TECR: variants seen among roughly 807,000 people sequenced by gnomAD.
TECR encodes the protein trans-2,3-enoyl-CoA reductase, also known as very-long-chain enoyl-CoA reductase.
Under a neutral mutation model 50.6 loss-of-function variants are expected in TECR, and 19 were observed. The observed-to-expected ratio is 0.38, with a 90% CI of 0.26 to 0.55. The LOEUF is 0.55. TECR is among the 20% of genes least tolerant of loss of function. The pLI is 0.79. For missense variants in TECR, 313 were observed against 408.3 expected (o/e 0.77, Z 2.01); for synonymous variants, 168 against 163.5 (o/e 1.03, Z -0.21).
intron 1 of TECR, among the ~76,000 whole-genome samples, chr19:14,546,608 T>A (rs1035190264): frequency 7.2e-5 from 11 of 152,214 alleles, no homozygotes; most frequent in Admixed American, 3.3e-4. Flanking sequence ...CCTGGCTGCA[T>A]GCACTACCGT....
At chr19:14,562,650 G>A in intron 2 of TECR, 75 bp downstream of exon 2, 2 of 1,548,310 alleles carry the variant, frequency 1.3e-6, no homozygotes, top group Non-Finnish European at 1.8e-6. Context: ...CCCAGGAGCT[G>A]TCCAGTGGGG....
In TECR at chr19:14,563,960, T is replaced by A. The variant is rs773172932; in HGVS notation, c.268-22T>A. The A allele has an allele frequency of 2.5e-5, 40 of 1,613,868 alleles. No individual in the cohort carries two copies. The highest frequency in any genetic ancestry group is 3.4e-5 in the Non-Finnish European group (40 of 1,179,876). On this transcript the variant is annotated intron_variant, in intron 5 of 12. Coordinates refer to ENST00000215567, the MANE Select transcript of TECR (RefSeq NM_138501.6). The surrounding 1 kb of genome is among the most constrained non-coding windows in gnomAD (Gnocchi z 5.3). ...CCCGTCAGCCACGTTGGGTGACTCA[T>A]CTTGCCCCCCTCTACTCTCAGGTCT... is the stretch of plus-strand genomic sequence containing the variant.
At chr19:14,539,535 C>CT (rs2073024894) in intron 1 of TECR, among the ~76,000 whole-genome samples, 1 of 152,096 alleles carries the variant, frequency 6.6e-6, no homozygotes, top group Admixed American at 6.6e-5. Context: ...GGCAGAAGGC[C>CT]TTTTTGCCTG....
At position 14,565,212 on chromosome 19, in the gene TECR, G is replaced by C. The variant is rs1419102820; in HGVS notation, c.675G>C (p.Thr225=). 4.3e-6 allele frequency: 7 copies of C among 1,613,978 alleles called. No individual in the cohort carries two copies. The highest frequency in any genetic ancestry group is 5.9e-6 in the Non-Finnish European group (7 of 1,180,006). Residue 225 remains threonine (T), a synonymous_variant, in exon 11 of 13, where the codon ACG becomes ACC. Transcript: ENST00000215567. The stretch of plus-strand genomic sequence containing the variant: ...TGTCCTGCCTGCCAGGGTCCAAGAC[G>C]CGGAAGATCCCATACCCCACCAAGA... ...LRDLRPAGSK[T]RKIPYPTKNP... is the part of the protein sequence containing the mutation.
intron 1 of TECR, among the ~76,000 whole-genome samples, chr19:14,546,271 A>AT (rs35585506): frequency 0.3 from 44,947 of 148,874 alleles, 7,101 homozygotes; most frequent in Non-Finnish European, 0.37. Flanking sequence ...TAGATTTGGG[A>AT]TTTTTTTTTT....
intron 1 of TECR, among the ~76,000 whole-genome samples, chr19:14,533,374 C>T (rs373058410): frequency 4.0e-5 from 6 of 151,774 alleles, no homozygotes; most frequent in South Asian, 2.1e-4. Flanking sequence ...GAGCTGAGAT[C>T]GCACCACTGC....
At chr19:14,536,923 C>G (rs4926126) in intron 1 of TECR, among the ~76,000 whole-genome samples, 31,006 of 145,836 alleles carry the variant, frequency 0.21, 3,581 homozygotes, top group South Asian at 0.4. Context: ...CGGCCCTACT[C>G]ACCTCTGGAC....
Position 14,563,644 on chromosome 19 carries a change from T to C in TECR, c.119-14T>C. 6.2e-7 allele frequency: 1 copy of C among 1,611,256 alleles called. No homozygotes were observed. The highest frequency in any genetic ancestry group is 8.5e-7 in the Non-Finnish European group (1 of 1,179,836). ...GCCAGGCTGTGGGCTGTAACTGCCC[T>C]GTTCTCCCCGCAGATCCGCAGTGGT... is the stretch of plus-strand genomic sequence containing the variant. On this transcript the variant is annotated splice_polypyrimidine_tract_variant and intron_variant, in intron 3 of 12. Coordinates refer to ENST00000215567, the MANE Select transcript of TECR (RefSeq NM_138501.6). The surrounding 1 kb of genome is among the most constrained non-coding windows in gnomAD (Gnocchi z 5.3).
chr19:14,541,569 CCA>C (rs2073098689), intron 1 of TECR, among the ~76,000 whole-genome samples: 1 of 152,158 alleles, frequency 6.6e-6, no homozygotes, highest in Non-Finnish European at 1.5e-5. Flanking sequence ...GATGAACGAA[CCA>C]CATTCTCTGT....
chr19:14,531,986 G>A (rs1239786405), intron 1 of TECR: 2 of 147,818 alleles, frequency 1.4e-5, no homozygotes, highest in Non-Finnish European at 3.0e-5. Context: ...ACTCCAGCCT[G>A]GGCAACAGAG....
At chr19:14,562,678 C>T (rs1431581263) in intron 2 of TECR, 103 bp downstream of exon 2, 15 of 1,333,414 alleles carry the variant, frequency 1.1e-5, no homozygotes, top group Non-Finnish European at 1.6e-5. Flanking sequence ...TGCCCCACCC[C>T]CTGCCCTATG....
At chr19:14,553,999 G>C (rs1338887810) in intron 1 of TECR, among the ~76,000 whole-genome samples, 1 of 152,204 alleles carries the variant, frequency 6.6e-6, no homozygotes, top group African/African-American at 2.4e-5. Flanking sequence ...TCCCCTGCGG[G>C]GTCCGAGAGA....
chr19:14,543,690 G>A (rs1176064763), intron 1 of TECR, among the ~76,000 whole-genome samples: 10 of 146,564 alleles, frequency 6.8e-5, no homozygotes, highest in East Asian at 4.1e-4. Flanking sequence ...CTCCCGCCTC[G>A]GCCTCCCAAA....
intron 1 of TECR, among the ~76,000 whole-genome samples, chr19:14,559,219 A>C (rs1322434910): frequency 1.3e-5 from 2 of 152,166 alleles, no homozygotes; most frequent in Non-Finnish European, 2.9e-5. Flanking sequence ...TAACCATTTA[A>C]AAGTGAACAG....
intron 1 of TECR, among the ~76,000 whole-genome samples, chr19:14,552,508 A>C (rs930536940): frequency 1.3e-5 from 2 of 150,198 alleles, no homozygotes; most frequent in Non-Finnish European, 3.0e-5. Context: ...AAGCCACGTA[A>C]CAGGCATCAC....
In TECR at chr19:14,565,778, G is replaced by A; in HGVS notation, c.834G>A (p.Met278Ile). 6.2e-7 allele frequency: 1 copy of A among 1,610,464 alleles called. No individual in the cohort carries two copies. The highest frequency in any genetic ancestry group is 8.5e-7 in the Non-Finnish European group (1 of 1,179,076). The part of the protein sequence containing the change: ...ALFSLVGFTQ[M>I]TIWAKGKHRS... Reference sequence around the variant, plus strand: ...TCTCCCTGGTGGGCTTCACCCAGATGACCATCTGGGCCAAGGGCAAGCACC... The same window carrying A: ...TCTCCCTGGTGGGCTTCACCCAGATAACCATCTGGGCCAAGGGCAAGCACC... Residue 278 changes from methionine to isoleucine, a missense_variant, in exon 13 of 13, where the codon ATG becomes ATA. By Grantham distance (10) the Met-to-Ile change is conservative. Transcript: ENST00000215567.
rs765812213 is a variant in TECR, at chr19:14,563,242, C to T, written c.103C>T (p.Leu35Phe). ...PHATIAEIKN[L>F]FTKTHPQWYP... is the part of the protein sequence containing the mutation. The stretch of plus-strand genomic sequence containing the variant: ...CGCCACCATTGCGGAGATCAAGAAC[C>T]TCTTCACTAAGACCCGTGAGTTCTA... The change falls in exon 3 of 13, where the codon CTC becomes TTC. Residue 35 changes from leucine to phenylalanine, a missense_variant. Coordinates refer to ENST00000215567, the MANE Select transcript of TECR (RefSeq NM_138501.6). This position sits in a 1 kb window ranked among gnomAD's most constrained non-coding sequence, Gnocchi z 5.3. 1.9e-6 allele frequency: 3 copies of T among 1,614,016 alleles called. No homozygotes were observed. Among genetic ancestry groups the T allele is most frequent in the Admixed American group, 1.7e-5 (1 of 60,006 alleles).
intron 1 of TECR, among the ~76,000 whole-genome samples, chr19:14,552,657 C>T (rs530894283): frequency 9.5e-4 from 144 of 152,056 alleles, no homozygotes; most frequent in African/African-American, 3.3e-3. Context: ...GCCTCAGCCT[C>T]CCGAGTAGCT....
At chr19:14,546,896 G>T (rs1197283978) in intron 1 of TECR, among the ~76,000 whole-genome samples, 1 of 152,136 alleles carries the variant, frequency 6.6e-6, no homozygotes, top group Admixed American at 6.6e-5. Context: ...CACTATGTTG[G>T]CCAGGCTGGT....
Sources: allele counts gnomAD v4.1 joint callset (sites outside exome capture counted in the v4.1 genomes callset), GRCh38; gene constraint gnomAD v4.1.1; non-coding constraint Gnocchi (gnomAD v3.1); transcripts MANE v1.5; gene names NCBI Gene and HGNC (gene_info 2026-07-23, HGNC 2026-07-21).